Variants in TMTC2 observed in about 807,000 individuals in gnomAD.
The protein encoded by TMTC2 is transmembrane O-mannosyltransferase targeting cadherins 2, also known as protein O-mannosyl-transferase TMTC2.
Under a neutral mutation model 82.4 loss-of-function variants are expected in TMTC2, and 43 were observed. The ratio of observed to expected loss-of-function variants is 0.52; its 90% confidence interval spans 0.41 to 0.67. The LOEUF is 0.67. Among genes scored for constraint, TMTC2 ranks in the 30% least tolerant of loss-of-function variants. The probability of loss-of-function intolerance (pLI) is 0.00; values close to 1 mark genes in which losing one functional copy is unlikely to be tolerated. For synonymous variants in TMTC2, 408 were observed against 381.9 expected, an observed-to-expected ratio of 1.07 and a Z score of -0.80; for missense variants, 919 against 1,012.4, an observed-to-expected ratio of 0.91 and a Z score of 1.25.
chr12:82,896,262 T>C lies in TMTC2; in HGVS notation c.1099T>C (p.Ser367Pro), dbSNP rs1212402431. 3 of 1,613,978 alleles carry C rather than the reference T, an allele frequency of 1.9e-6. No homozygotes were observed. Among genetic ancestry groups the C allele is most frequent in the Non-Finnish European group, 2.5e-6 (3 of 1,180,032 alleles). The change falls in exon 3 of 12, where the codon TCC becomes CCC. Residue 367 changes from serine (S) to proline (P), a missense_variant. Ser to Pro is a moderately conservative substitution (Grantham distance 74). Coordinates refer to ENST00000321196, the MANE Select transcript of TMTC2 (RefSeq NM_152588.3). ...GGAGTACCAGAACTCAGAGACTAAGTCCAGCTTTGCATCCAAAGTAGAAAA... is the reference window on the plus strand; with the variant it reads ...GGAGTACCAGAACTCAGAGACTAAGCCCAGCTTTGCATCCAAAGTAGAAAA... Reference protein sequence around the residue: ...DVEYQNSETKSSFASKVENGI... With the variant: ...DVEYQNSETKPSFASKVENGI...
chr12:83,073,863 A>C (rs1428268529), intron 11 of TMTC2, among the ~76,000 whole-genome samples: 1 of 151,978 alleles, frequency 6.6e-6, no homozygotes, highest in African/African-American at 2.4e-5. Context: ...GTTTCCTTGA[A>C]TATTTCTCCT....
In TMTC2 at chr12:82,883,055, CAAAAAAA is replaced by C. The variant is rs66496024; in HGVS notation, c.655-12742_655-12736del. Among the ~76,000 whole-genome samples the C allele has an allele frequency of 7.3e-5, 5 of 68,256 alleles. 1 individual carries two copies. Among genetic ancestry groups the C allele is most frequent in the East Asian group, 6.9e-4 (1 of 1,458 alleles). 44.8% of individuals were successfully genotyped at this position (68,256 alleles called of 152,430 possible). On this transcript the variant is annotated intron_variant, in intron 2 of 11. Coordinates refer to ENST00000321196, the MANE Select transcript of TMTC2 (RefSeq NM_152588.3). ...TGGGCAACAGAATGAAACTTGGTCTCAAAAAAAAAAAAAAAAAAAAAAAAAAACCAAA... is the reference window on the plus strand; with the variant it reads ...TGGGCAACAGAATGAAACTTGGTCTCAAAAAAAAAAAAAAAAAAAACCAAA...
At chr12:82,692,978 C>T in intron 1 of TMTC2, among the ~76,000 whole-genome samples, 1 of 152,204 alleles carries the variant, frequency 6.6e-6, no homozygotes, top group East Asian at 1.9e-4. Context: ...AATAAACTTA[C>T]ATTCAATAAT....
At position 82,885,352 on chromosome 12, in the gene TMTC2, G is replaced by GT. The variant is rs537002159; in HGVS notation, c.655-10457dup. Among the ~76,000 whole-genome samples, 52 of 150,006 alleles carry GT rather than the reference G, an allele frequency of 3.5e-4. No homozygotes were observed. The East Asian group carries it at 6.3e-3, about 18-fold the overall frequency. ...TTTTGTTATCTGTTTTCTTTTTTTAGTTTTTTTTTCTAATTTTCTTAAGTT... is the reference window on the plus strand; with the variant it reads ...TTTTGTTATCTGTTTTCTTTTTTTAGTTTTTTTTTTCTAATTTTCTTAAGTT... On this transcript the variant is annotated intron_variant, in intron 2 of 11. Coordinates refer to ENST00000321196, the MANE Select transcript of TMTC2 (RefSeq NM_152588.3).
intron 2 of TMTC2, among the ~76,000 whole-genome samples, chr12:82,880,186 G>A (rs1263811969): frequency 1.3e-5 from 2 of 152,154 alleles, no homozygotes; most frequent in Admixed American, 6.5e-5. Context: ...AATTTCTGGT[G>A]TGTTTCATTT....
intron 1 of TMTC2, among the ~76,000 whole-genome samples, chr12:82,834,959 C>A (rs1869952903): frequency 6.6e-6 from 1 of 151,844 alleles, no homozygotes; most frequent in Non-Finnish European, 1.5e-5. Context: ...CCCACTGCAA[C>A]CTCTGTCTCC....
At position 83,030,840 on chromosome 12, in the gene TMTC2, G is replaced by C. The variant is rs1209070575; in HGVS notation, c.2113G>C (p.Glu705Gln). The C allele has an allele frequency of 6.2e-7, 1 of 1,613,732 alleles. No individual in the cohort carries two copies. Among genetic ancestry groups the C allele is most frequent in the South Asian group, 1.1e-5 (1 of 91,056 alleles). ...TGAAAAGCTCTTCTTGAAGGCTATT[G>C]AGCTGGATCCCACCAAAGGAAACTG... Reference protein sequence around the residue: ...EAEKLFLKAIELDPTKGNCYM... With the variant: ...EAEKLFLKAIQLDPTKGNCYM... The change falls in exon 9 of 12, where the codon GAG (glutamate) becomes CAG (glutamine). Residue 705 changes from glutamate (E) to glutamine (Q), a missense_variant. Glu to Gln is a conservative substitution (Grantham distance 29, BLOSUM62 2). Coordinates refer to ENST00000321196, the MANE Select transcript of TMTC2 (RefSeq NM_152588.3).
At chr12:82,719,611 T>C (rs1874099351) in intron 1 of TMTC2, among the ~76,000 whole-genome samples, 1 of 152,030 alleles carries the variant, frequency 6.6e-6, no homozygotes, top group Non-Finnish European at 1.5e-5. Context: ...TAATTACTCA[T>C]GTAGCAATTT....
At chr12:82,943,458 A>G (rs976899280) in intron 4 of TMTC2, among the ~76,000 whole-genome samples, 2 of 152,112 alleles carry the variant, frequency 1.3e-5, no homozygotes, top group African/African-American at 4.8e-5. Flanking sequence ...TACATTTTGT[A>G]CTCAGTTGTT....
At chr12:82,917,084 G>C (rs1488456758) in intron 3 of TMTC2, among the ~76,000 whole-genome samples, 3 of 152,052 alleles carry the variant, frequency 2.0e-5, no homozygotes, top group African/African-American at 7.2e-5. Flanking sequence ...GTCACATGAA[G>C]TGACTATCAT....
At chr12:83,119,588 C>T (rs1045464292) in intron 11 of TMTC2, among the ~76,000 whole-genome samples, 1 of 152,114 alleles carries the variant, frequency 6.6e-6, no homozygotes, top group East Asian at 1.9e-4. Flanking sequence ...GGAGAAAGTT[C>T]CATCTGCTGT....
chr12:83,090,738 G>A (rs980380422), intron 11 of TMTC2, among the ~76,000 whole-genome samples: 3 of 151,988 alleles, frequency 2.0e-5, no homozygotes, highest in African/African-American at 7.3e-5. Context: ...TTCCTGGATT[G>A]CTGCACAGTG....
At chr12:83,118,922 G>A (rs1884857572) in intron 11 of TMTC2, among the ~76,000 whole-genome samples, 2 of 152,078 alleles carry the variant, frequency 1.3e-5, no homozygotes, top group African/African-American at 4.8e-5. Context: ...ATCTCTTCTA[G>A]GTTTTCTAGT....
chr12:82,729,546 A>G (rs1373626657), intron 1 of TMTC2, among the ~76,000 whole-genome samples: 1 of 152,180 alleles, frequency 6.6e-6, no homozygotes, highest in African/African-American at 2.4e-5. Flanking sequence ...GACACTGTGT[A>G]TCTAGCTAGT....
At chr12:82,820,297 C>T (rs532005601) in intron 1 of TMTC2, among the ~76,000 whole-genome samples, 44 of 152,266 alleles carry the variant, frequency 2.9e-4, no homozygotes, top group Admixed American at 2.2e-3. Context: ...ACCTTGCATC[C>T]TTCAATGCAA....
At chr12:82,726,254 G>A (rs1200101132) in intron 1 of TMTC2, among the ~76,000 whole-genome samples, 2 of 152,062 alleles carry the variant, frequency 1.3e-5, no homozygotes, top group African/African-American at 2.4e-5. Context: ...ATAGGAATTT[G>A]GGCAAACTAA....
At chr12:83,017,695 G>T (rs957941110) in intron 8 of TMTC2, among the ~76,000 whole-genome samples, 3 of 151,774 alleles carry the variant, frequency 2.0e-5, no homozygotes, top group Non-Finnish European at 4.4e-5. Flanking sequence ...AGAATGACAT[G>T]AATTAAGAAG....
chr12:83,118,824 A>T (rs1884854487), intron 11 of TMTC2, among the ~76,000 whole-genome samples: 1 of 152,158 alleles, frequency 6.6e-6, no homozygotes, highest in Non-Finnish European at 1.5e-5. Context: ...TTATAATTTC[A>T]ATCTCACTGC....
intron 1 of TMTC2, among the ~76,000 whole-genome samples, chr12:82,818,301 T>C (rs2137059084): frequency 6.6e-6 from 1 of 152,240 alleles, no homozygotes; most frequent in Non-Finnish European, 1.5e-5. Flanking sequence ...CTTGCTAATA[T>C]TGTGTTATTT....
Sources: gnomAD v4.1 joint callset for allele counts (sites outside exome capture counted in the v4.1 genomes callset) on GRCh38, gnomAD v4.1.1 for gene constraint, MANE v1.5 for transcripts, NCBI Gene and HGNC (gene_info 2026-07-23, HGNC 2026-07-21) for gene names.